Variants in ABCA4 observed in about 807,000 individuals in gnomAD.
The protein encoded by ABCA4 is ATP binding cassette subfamily A member 4.
In ABCA4, 196 loss-of-function variants were observed where a neutral mutation model predicts 263.7. That is an observed-to-expected ratio of 0.74 (90% CI 0.66 to 0.84). The LOEUF (loss-of-function observed/expected upper bound fraction) is 0.84. ABCA4 is among the 40% of genes least tolerant of loss of function. ABCA4 has a pLI of 0.00. For synonymous variants in ABCA4, 1,133 were observed against 1,094.2 expected (o/e 1.04, Z -0.70); for missense variants, 2,792 against 2,855.1 (o/e 0.98, Z 0.50).
At chr1:94,091,884 C>T (rs1162499047) in intron 6 of ABCA4, among the ~76,000 whole-genome samples, 3 of 152,180 alleles carry the variant, frequency 2.0e-5, no homozygotes, top group Admixed American at 2.0e-4. Context: ...GAGGTCTCTG[C>T]TTGGGTTGTC....
intron 43 of ABCA4, among the ~76,000 whole-genome samples, chr1:94,007,244 A>G (rs1659415980): frequency 6.6e-6 from 1 of 152,196 alleles, no homozygotes; most frequent in African/African-American, 2.4e-5. Flanking sequence ...GGGGCTCAGT[A>G]AACTCCCTGA....
chr1:94,090,242 G>A (rs1223029456), intron 6 of ABCA4, among the ~76,000 whole-genome samples: 2 of 151,922 alleles, frequency 1.3e-5, no homozygotes, highest in Non-Finnish European at 2.9e-5. Flanking sequence ...GAAACTCAAG[G>A]GCTTGTTTTA....
Position 93,997,899 on chromosome 1 carries a change from T to A in ABCA4, c.6691A>T (p.Ile2231Phe). 1.2e-6 allele frequency: 2 copies of A among 1,614,064 alleles called. No individual in the cohort carries two copies. Among genetic ancestry groups the A allele is most frequent in the Admixed American group, 1.7e-5 (1 of 60,010 alleles). The change falls in exon 48 of 50, where the codon ATC becomes TTC. Residue 2231 changes from isoleucine to phenylalanine, a missense_variant. Ile to Phe is a conservative substitution (Grantham distance 21). Coordinates refer to ENST00000370225, the MANE Select transcript of ABCA4 (RefSeq NM_000350.3). ...GTCTGTGTGACTGAGTACTCCTCGATGAGCAGGCTGTCCTTGTGGGAGAGG... is the reference window on the plus strand; with the variant it reads ...GTCTGTGTGACTGAGTACTCCTCGAAGAGCAGGCTGTCCTTGTGGGAGAGG... ...LLLSHKDSLLIEEYSVTQTTL... is the reference protein window; with the variant it reads ...LLLSHKDSLLFEEYSVTQTTL...
intron 31 of ABCA4, among the ~76,000 whole-genome samples, chr1:94,024,447 C>G (rs1444602422): frequency 6.6e-6 from 1 of 152,230 alleles, no homozygotes; most frequent in Non-Finnish European, 1.5e-5. Context: ...TAGAATATGA[C>G]AGCTGCAGTT....
chr1:93,995,004 A>G (rs543443422), intron 49 of ABCA4, among the ~76,000 whole-genome samples: 9 of 152,248 alleles, frequency 5.9e-5, no homozygotes, highest in Non-Finnish European at 8.8e-5. Context: ...AGTGGTTTTT[A>G]AAAATAATTT....
chr1:94,016,194 G>C (rs1222431612), intron 36 of ABCA4, among the ~76,000 whole-genome samples: 2 of 152,148 alleles, frequency 1.3e-5, no homozygotes, highest in East Asian at 3.9e-4. Flanking sequence ...AAAACTTAAA[G>C]CCTAGTTCTT....
intron 5 of ABCA4, among the ~76,000 whole-genome samples, chr1:94,100,054 A>G (rs1446438445): frequency 6.6e-6 from 1 of 152,192 alleles, no homozygotes; most frequent in Non-Finnish European, 1.5e-5. Flanking sequence ...GGGGCACCAC[A>G]GTCTCCCATG....
At chr1:94,043,712 A>G (rs1202373677) in intron 20 of ABCA4, among the ~76,000 whole-genome samples, 2 of 152,234 alleles carry the variant, frequency 1.3e-5, no homozygotes, top group Admixed American at 6.5e-5. Flanking sequence ...ATTATTTTAT[A>G]GAAGAATATG....
At position 94,100,940 on chromosome 1, in the gene ABCA4, T is replaced by G. The variant is rs3789423; in HGVS notation, c.571-1949A>C. 0.053 allele frequency among the ~76,000 whole-genome samples: 8,033 copies of G among 152,194 alleles called. 227 individuals carry two copies. The highest frequency in any genetic ancestry group is 0.079 in the East Asian group (409 of 5,166). Reference sequence around the variant, plus strand: ...TACAGATCAGGAGCTAGAAGACAGGTGAGCCCACAAGGCAAAGCATCCTGG... The same window carrying G: ...TACAGATCAGGAGCTAGAAGACAGGGGAGCCCACAAGGCAAAGCATCCTGG... On this transcript the variant is annotated intron_variant, in intron 5 of 49. Coordinates refer to ENST00000370225, the MANE Select transcript of ABCA4 (RefSeq NM_000350.3).
chr1:94,072,975 C>T (rs914120952), intron 11 of ABCA4, among the ~76,000 whole-genome samples: 1 of 152,124 alleles, frequency 6.6e-6, no homozygotes, highest in Non-Finnish European at 1.5e-5. Flanking sequence ...TTAGGCCGCC[C>T]TCCTGGGAGG....
At chr1:94,050,744 T>C (rs1221731494) in intron 17 of ABCA4, among the ~76,000 whole-genome samples, 1 of 152,090 alleles carries the variant, frequency 6.6e-6, no homozygotes, top group Non-Finnish European at 1.5e-5. Context: ...TAAAGTGTTG[T>C]TTGTTTGACC....
intron 47 of ABCA4, among the ~76,000 whole-genome samples, chr1:94,000,509 C>A (rs1424271066): frequency 6.6e-6 from 1 of 152,166 alleles, no homozygotes; most frequent in Non-Finnish European, 1.5e-5. Flanking sequence ...CCACAGGTCC[C>A]GGATCTGTTG....
rs756258615 is a variant in ABCA4 at position 94,080,466 on chromosome 1, C to A, written c.1099+12G>T. The A allele has an allele frequency of 1.5e-5, 24 of 1,613,996 alleles. No homozygotes were observed. Among genetic ancestry groups the A allele is most frequent in the Middle Eastern group, 1.6e-4 (1 of 6,076 alleles). Reference sequence around the variant, plus strand: ...GAGAGGCCAATTTATAAGCAGGACTCAGAAAACTTACTTGTTCTTCTGTCA... The same window carrying A: ...GAGAGGCCAATTTATAAGCAGGACTAAGAAAACTTACTTGTTCTTCTGTCA... On this transcript the variant is annotated intron_variant, in intron 8 of 49. Coordinates refer to ENST00000370225, the MANE Select transcript of ABCA4 (RefSeq NM_000350.3).
intron 12 of ABCA4, 124 bp downstream of exon 12, chr1:94,062,988 T>C: frequency 8.9e-7 from 1 of 1,119,772 alleles, no homozygotes; most frequent in Admixed American, 1.7e-5. Flanking sequence ...ATAAAATATC[T>C]TATTTTTTCT....
chr1:94,031,107 G>T lies in ABCA4; in HGVS notation c.4142C>A (p.Ala1381Asp), dbSNP rs543127423. The T allele has an allele frequency of 6.2e-7, 1 of 1,614,140 alleles. No individual in the cohort carries two copies. The highest frequency in any genetic ancestry group is 1.7e-5 in the Admixed American group (1 of 60,020). The change falls in exon 28 of 50, where the codon GCT becomes GAT. Residue 1381 changes from alanine (A) to aspartate (D), a missense_variant. Physicochemically the swap from Ala to Asp is moderately radical, Grantham distance 126. Coordinates refer to ENST00000370225, the MANE Select transcript of ABCA4 (RefSeq NM_000350.3). ...KDFLAQIVLP[A>D]TFVFLALMLS... is the part of the protein sequence containing the mutation. Reference sequence around the variant, plus strand: ...CATCAGAGCCAAAAACACAAAGGTAGCCGGGAGCACGATCTGTGGGAGAAT... The same window carrying T: ...CATCAGAGCCAAAAACACAAAGGTATCCGGGAGCACGATCTGTGGGAGAAT...
intron 40 of ABCA4, among the ~76,000 whole-genome samples, chr1:94,009,476 C>T (rs1659488388): frequency 6.6e-6 from 1 of 152,160 alleles, no homozygotes; most frequent in Non-Finnish European, 1.5e-5. Flanking sequence ...CCAGCCCCAC[C>T]TACCCTTCTC....
rs1485450616 is a variant in ABCA4, at chr1:94,043,448, G to A, written c.3078C>T (p.Phe1026=). The A allele has an allele frequency of 6.2e-7, 1 of 1,614,188 alleles. No homozygotes were observed. The highest frequency in any genetic ancestry group is 8.5e-7 in the Non-Finnish European group (1 of 1,180,030). The part of the protein sequence containing the change: ...HHLTVAEHML[F]YAQLKGKSQE... ...GGGACTTTCCTTTCAGCTGGGCATA[G>A]AACAGCATGTGCTCAGCCACCGTGA... Residue 1026 remains phenylalanine (F), a synonymous_variant, in exon 21 of 50, where the codon TTC becomes TTT. Coordinates refer to ENST00000370225, the MANE Select transcript of ABCA4 (RefSeq NM_000350.3).
At chr1:94,102,359 A>T (rs1409289658) in intron 5 of ABCA4, among the ~76,000 whole-genome samples, 4 of 151,842 alleles carry the variant, frequency 2.6e-5, no homozygotes, top group African/African-American at 9.7e-5. Context: ...TAGCCTCGGG[A>T]CGCCACCCCA....
At chr1:94,056,547 C>G in intron 15 of ABCA4, 54 bp downstream of exon 15, 2 of 1,569,904 alleles carry the variant, frequency 1.3e-6, no homozygotes, top group Non-Finnish European at 8.7e-7. Flanking sequence ...AGGACTGCTA[C>G]GGACCCTTCC....
Sources: gnomAD v4.1 joint callset for allele counts (sites outside exome capture counted in the v4.1 genomes callset) on GRCh38, gnomAD v4.1.1 for gene constraint, MANE v1.5 for transcripts, NCBI Gene and HGNC (gene_info 2026-07-23, HGNC 2026-07-21) for gene names.